The following EFNA5 variants were observed in gnomAD, a reference collection of about 807,000 sequenced individuals.
EFNA5 encodes the protein ephrin-A5.
Under a neutral mutation model 22.9 loss-of-function variants are expected in EFNA5, and 5 were observed. That is an observed-to-expected ratio of 0.22 (90% CI 0.11 to 0.46). The LOEUF is 0.46. Among genes scored for constraint, EFNA5 ranks in the 20% least tolerant of loss-of-function variants. The pLI, the probability that EFNA5 is intolerant of heterozygous loss-of-function variation, is 0.99. For synonymous variants in EFNA5, 113 were observed against 112.2 expected (o/e 1.01, Z -0.04); for missense variants, 237 against 293.3 (o/e 0.81, Z 1.40).
intron 1 of EFNA5, among the ~76,000 whole-genome samples, chr5:107,621,532 A>G (rs2112529010): frequency 6.6e-6 from 1 of 152,348 alleles, no homozygotes; most frequent in East Asian, 1.9e-4. Flanking sequence ...GAGGGAAGCC[A>G]TGGAACACAA....
At chr5:107,469,527 CT>C (rs1205642435) in intron 1 of EFNA5, among the ~76,000 whole-genome samples, 1 of 152,160 alleles carries the variant, frequency 6.6e-6, no homozygotes, top group Non-Finnish European at 1.5e-5. Context: ...TAACAATCAT[CT>C]GAAAGTCAAG....
intron 1 of EFNA5, among the ~76,000 whole-genome samples, chr5:107,528,911 G>A (rs963621831): frequency 2.6e-5 from 4 of 152,128 alleles, no homozygotes; most frequent in Admixed American, 6.5e-5. Context: ...TATAGAATAC[G>A]ACTGAATAAA....
chr5:107,545,324 T>C (rs1245460515), intron 1 of EFNA5, among the ~76,000 whole-genome samples: 1 of 152,220 alleles, frequency 6.6e-6, no homozygotes. Flanking sequence ...TGATCTTATA[T>C]GTTGGGTATA....
At chr5:107,655,728 G>T (rs958285150) in intron 1 of EFNA5, among the ~76,000 whole-genome samples, 8 of 152,138 alleles carry the variant, frequency 5.3e-5, no homozygotes, top group African/African-American at 1.9e-4. Flanking sequence ...AACATAGGAA[G>T]TAAAATTGGC....
At chr5:107,515,239 T>C (rs1480916515) in intron 1 of EFNA5, among the ~76,000 whole-genome samples, 1 of 151,556 alleles carries the variant, frequency 6.6e-6, no homozygotes, top group South Asian at 2.1e-4. Context: ...GGTTCCACCA[T>C]GTTGGCCAGG....
At chr5:107,600,643 T>TGCCC (rs1471021756) in intron 1 of EFNA5, among the ~76,000 whole-genome samples, 1 of 151,732 alleles carries the variant, frequency 6.6e-6, no homozygotes, top group African/African-American at 2.4e-5. Context: ...TGCACCACCA[T>TGCCC]GCCCCCTTAA....
In EFNA5 at chr5:107,670,847, C is replaced by T. The variant is rs1733521354; in HGVS notation, c.-234G>A. The T allele has an allele frequency of 5.5e-6, 3 of 548,082 alleles. No homozygotes were observed. Among genetic ancestry groups the T allele is most frequent in the Non-Finnish European group, 6.4e-6 (2 of 311,314 alleles). The allele number at this position is 548,082 out of a possible 1,614,324, so 34.0% of individuals were successfully genotyped here. ...GGGGTGATAAAGACAAACTCGCACCCCCACTGGAGGGTTCAGGAGGAAAAA... is the reference window on the plus strand; with the variant it reads ...GGGGTGATAAAGACAAACTCGCACCTCCACTGGAGGGTTCAGGAGGAAAAA... On this transcript the variant is annotated 5_prime_UTR_variant, in exon 1 of 5. Coordinates refer to ENST00000333274, the MANE Select transcript of EFNA5 (RefSeq NM_001962.3).
intron 1 of EFNA5, among the ~76,000 whole-genome samples, chr5:107,659,094 T>G (rs1275300688): frequency 6.6e-6 from 1 of 152,182 alleles, no homozygotes; most frequent in Admixed American, 6.5e-5. Context: ...GGTGCAAATG[T>G]TATCTTATCC....
At chr5:107,407,314 A>T (rs1311316677) in intron 2 of EFNA5, among the ~76,000 whole-genome samples, 3 of 152,214 alleles carry the variant, frequency 2.0e-5, no homozygotes, top group African/African-American at 7.2e-5. Context: ...AGACATTCTC[A>T]TTACCACCAT....
chr5:107,626,718 G>T (rs1750148802), intron 1 of EFNA5, among the ~76,000 whole-genome samples: 1 of 152,136 alleles, frequency 6.6e-6, no homozygotes, highest in Non-Finnish European at 1.5e-5. Context: ...CAGCCTCAAA[G>T]AACATGTTTC....
At chr5:107,385,923 C>T (rs1460526173) in intron 4 of EFNA5, among the ~76,000 whole-genome samples, 3 of 152,256 alleles carry the variant, frequency 2.0e-5, no homozygotes, top group Non-Finnish European at 4.4e-5. Context: ...CATTTGCGCT[C>T]TGGGTGAGAT....
intron 1 of EFNA5, among the ~76,000 whole-genome samples, chr5:107,494,077 G>C (rs553160944): frequency 6.6e-6 from 1 of 152,198 alleles, no homozygotes; most frequent in South Asian, 2.1e-4. Context: ...GAGAGATGAC[G>C]GCGTGCTGGC....
intron 1 of EFNA5, among the ~76,000 whole-genome samples, chr5:107,504,973 A>G (rs1210937929): frequency 6.6e-6 from 1 of 152,134 alleles, no homozygotes; most frequent in Non-Finnish European, 1.5e-5. Context: ...TCAATAAACC[A>G]ATGTATGTAT....
chr5:107,388,143 T>C (rs1243006629), intron 2 of EFNA5, among the ~76,000 whole-genome samples: 1 of 152,176 alleles, frequency 6.6e-6, no homozygotes, highest in Non-Finnish European at 1.5e-5. Context: ...CCGCTCCTCC[T>C]CTGCTGCAGG....
chr5:107,447,972 G>A (rs945110221), intron 1 of EFNA5, among the ~76,000 whole-genome samples: 1 of 151,852 alleles, frequency 6.6e-6, no homozygotes, highest in Non-Finnish European at 1.5e-5. Context: ...TCAGCCTCCC[G>A]AGTAGCTGGG....
chr5:107,480,673 G>A (rs933191243), intron 1 of EFNA5, among the ~76,000 whole-genome samples: 2 of 152,140 alleles, frequency 1.3e-5, no homozygotes, highest in African/African-American at 4.8e-5. Flanking sequence ...CTTAAAGACT[G>A]CTTCACAGAG....
intron 1 of EFNA5, among the ~76,000 whole-genome samples, chr5:107,472,628 G>A (rs1580475038): frequency 6.6e-6 from 1 of 152,266 alleles, no homozygotes; most frequent in African/African-American, 2.4e-5. Flanking sequence ...TCAGGTGATG[G>A]GATAGTGCCT....
chr5:107,621,699 T>A (rs1194178630), intron 1 of EFNA5, among the ~76,000 whole-genome samples: 2 of 152,188 alleles, frequency 1.3e-5, no homozygotes, highest in Non-Finnish European at 2.9e-5. Flanking sequence ...GAGGATTAAA[T>A]GAGCATTAAA....
intron 1 of EFNA5, among the ~76,000 whole-genome samples, chr5:107,513,825 G>A (rs1747423688): frequency 1.3e-5 from 2 of 152,116 alleles, no homozygotes; most frequent in South Asian, 2.1e-4. Context: ...AATGCTCAGT[G>A]GATAGCTATG....
Sources: allele counts gnomAD v4.1 joint callset (sites outside exome capture counted in the v4.1 genomes callset), GRCh38; gene constraint gnomAD v4.1.1; transcripts MANE v1.5; gene names NCBI Gene and HGNC (gene_info 2026-07-23, HGNC 2026-07-21).